Variants in ROBO1 observed in about 807,000 individuals in gnomAD.
ROBO1 encodes roundabout homolog 1.
ROBO1 carries 149 observed loss-of-function variants against 195.9 expected under a neutral mutation model. The ratio of observed to expected loss-of-function variants is 0.76; its 90% CI spans 0.67 to 0.87. ROBO1 has a LOEUF of 0.87. Ranked by LOEUF, ROBO1 falls within the 40% of genes least tolerant of loss-of-function variation. The pLI, the probability that ROBO1 is intolerant of heterozygous loss-of-function variation, is 0.00. For synonymous variants in ROBO1, 816 were observed against 733.2 expected, an observed-to-expected ratio of 1.11 and a Z score of -1.82; for missense variants, 1,933 against 2,068.3, an observed-to-expected ratio of 0.93 and a Z score of 1.27.
chr3:79,448,376 C>A (rs1476092377), intron 2 of ROBO1, among the ~76,000 whole-genome samples: 2 of 152,146 alleles, frequency 1.3e-5, no homozygotes, highest in Admixed American at 1.3e-4. Context: ...CATCTTTACA[C>A]TATTCTTAAA....
chr3:79,345,244 A>T (rs532576998), intron 2 of ROBO1, among the ~76,000 whole-genome samples: 57 of 152,284 alleles, frequency 3.7e-4, no homozygotes, highest in Admixed American at 3.9e-4. Flanking sequence ...GGATTTGGAC[A>T]GATTGGTTCC....
chr3:79,023,189 TG>T (rs2078135695), intron 3 of ROBO1, among the ~76,000 whole-genome samples: 1 of 152,296 alleles, frequency 6.6e-6, no homozygotes, highest in Non-Finnish European at 1.5e-5. Flanking sequence ...AAGGCTGTGC[TG>T]AACACTCCAA....
chr3:79,346,092 T>G (rs1398482403), intron 2 of ROBO1, among the ~76,000 whole-genome samples: 3 of 152,200 alleles, frequency 2.0e-5, no homozygotes, highest in Admixed American at 2.0e-4. Flanking sequence ...CACAAGTGAA[T>G]AGATGCAGTG....
intron 4 of ROBO1, among the ~76,000 whole-genome samples, chr3:78,921,947 C>A (rs1462521865): frequency 6.6e-6 from 1 of 151,932 alleles, no homozygotes; most frequent in African/African-American, 2.4e-5. Flanking sequence ...CCACCATGCC[C>A]AGCTATTTTT....
At chr3:78,713,400 C>T (rs1377908266) in intron 8 of ROBO1, among the ~76,000 whole-genome samples, 3 of 151,956 alleles carry the variant, frequency 2.0e-5, no homozygotes, top group African/African-American at 7.3e-5. Flanking sequence ...AAGATGACAG[C>T]ATCAAGTGTT....
intron 4 of ROBO1, among the ~76,000 whole-genome samples, chr3:78,764,892 T>C (rs1020861293): frequency 6.6e-6 from 1 of 152,100 alleles, no homozygotes; most frequent in African/African-American, 2.4e-5. Flanking sequence ...TTGACAGCTC[T>C]CTTAAGAAGA....
In ROBO1 at chr3:79,647,609, A is replaced by C. The variant is rs930548739; in HGVS notation, c.-50-57648T>G. On this transcript the variant is annotated intron_variant, in intron 1 of 30. Coordinates refer to ENST00000464233, the MANE Select transcript of ROBO1 (RefSeq NM_002941.4). ...GTAAGTAGAAGGCAGGATTGCTGCT[A>C]AACTTCCTACTAAGCACAGGATACA... Among the ~76,000 whole-genome samples the C allele has an allele frequency of 2.0e-5, 3 of 152,066 alleles. No homozygotes were observed. In the South Asian group the frequency reaches 6.2e-4, roughly 31 times the overall value.
chr3:78,650,686 C>A (rs1706589615), intron 19 of ROBO1, among the ~76,000 whole-genome samples: 3 of 152,244 alleles, frequency 2.0e-5, no homozygotes, highest in Non-Finnish European at 4.4e-5. Flanking sequence ...GGGTAGGAGA[C>A]TTTTTTAAAT....
chr3:79,088,427 C>A (rs2079414584), intron 3 of ROBO1, among the ~76,000 whole-genome samples: 1 of 151,978 alleles, frequency 6.6e-6, no homozygotes, highest in Admixed American at 6.6e-5. Flanking sequence ...TGTAGTTCTT[C>A]GAGTCACATT....
At chr3:79,253,695 T>C (rs766542645) in intron 2 of ROBO1, among the ~76,000 whole-genome samples, 22 of 152,146 alleles carry the variant, frequency 1.4e-4, no homozygotes, top group Non-Finnish European at 2.5e-4. Flanking sequence ...GGATCTTCAT[T>C]AAGTACAAAA....
At chr3:78,736,362 A>ATG (rs1209574848) in intron 5 of ROBO1, among the ~76,000 whole-genome samples, 2 of 152,172 alleles carry the variant, frequency 1.3e-5, no homozygotes, top group Admixed American at 6.6e-5. Context: ...AGTAATATAT[A>ATG]AATCATAATT....
At chr3:79,603,169 A>G (rs1174511948) in intron 1 of ROBO1, among the ~76,000 whole-genome samples, 1 of 151,966 alleles carries the variant, frequency 6.6e-6, no homozygotes, top group East Asian at 1.9e-4. Context: ...ATGGCTTGAA[A>G]TTAAGATGGC....
At chr3:78,828,140 G>A (rs1358291850) in intron 4 of ROBO1, among the ~76,000 whole-genome samples, 1 of 152,128 alleles carries the variant, frequency 6.6e-6, no homozygotes, top group Non-Finnish European at 1.5e-5. Context: ...AAGTGGGAAG[G>A]TAGATTAGCT....
intron 2 of ROBO1, among the ~76,000 whole-genome samples, chr3:79,232,462 A>C (rs2082337527): frequency 6.6e-6 from 1 of 151,588 alleles, no homozygotes; most frequent in Admixed American, 6.6e-5. Flanking sequence ...TAAGAGAAAA[A>C]AAAAACAAAC....
At chr3:78,965,200 C>A (rs1188013252) in intron 3 of ROBO1, among the ~76,000 whole-genome samples, 1 of 151,960 alleles carries the variant, frequency 6.6e-6, no homozygotes, top group Non-Finnish European at 1.5e-5. Context: ...TTCTGAAACT[C>A]TTCTAAAACA....
At chr3:79,707,131 C>T (rs983644894) in intron 1 of ROBO1, among the ~76,000 whole-genome samples, 1 of 152,200 alleles carries the variant, frequency 6.6e-6, no homozygotes, top group East Asian at 1.9e-4. Context: ...AGGCATGGTG[C>T]TTTCAGATTT....
intron 8 of ROBO1, among the ~76,000 whole-genome samples, chr3:78,690,527 TATAATAA>T (rs2081148791): frequency 6.6e-6 from 1 of 152,090 alleles, no homozygotes; most frequent in Non-Finnish European, 1.5e-5. Flanking sequence ...ATTACCCAGG[TATAATAA>T]TAGGCGAGGG....
At chr3:79,268,987 C>T (rs1441405193) in intron 2 of ROBO1, among the ~76,000 whole-genome samples, 1 of 151,664 alleles carries the variant, frequency 6.6e-6, no homozygotes, top group African/African-American at 2.4e-5. Context: ...ATCACAACAT[C>T]TTCTCCAGTC....
intron 3 of ROBO1, among the ~76,000 whole-genome samples, chr3:78,949,713 A>G (rs1203304146): frequency 1.3e-5 from 2 of 152,158 alleles, no homozygotes; most frequent in Non-Finnish European, 2.9e-5. Context: ...CTACCATCAG[A>G]GTGAACAGGC....
Sources: gnomAD v4.1 joint callset for allele counts (sites outside exome capture counted in the v4.1 genomes callset) on GRCh38, gnomAD v4.1.1 for gene constraint, MANE v1.5 for transcripts, NCBI Gene and HGNC (gene_info 2026-07-23, HGNC 2026-07-21) for gene names.